The following DPY19L3 variants were observed in gnomAD, a reference collection of about 807,000 sequenced individuals.
DPY19L3 encodes the protein protein C-mannosyl-transferase DPY19L3.
DPY19L3 carries 51 observed loss-of-function variants against 92.3 expected under a neutral mutation model. That is an observed-to-expected ratio of 0.55 (90% confidence interval 0.44 to 0.70). DPY19L3 has a LOEUF of 0.70. Ranked by LOEUF, DPY19L3 falls within the 30% of genes least tolerant of loss-of-function variation. The pLI, the probability that DPY19L3 is intolerant of heterozygous loss-of-function variation, is 0.00. For missense variants in DPY19L3, 706 were observed against 855.9 expected (o/e 0.82, Z 2.18); for synonymous variants, 309 against 315.2 (o/e 0.98, Z 0.21).
chr19:32,462,873 C>T (rs1198022885), intron 12 of DPY19L3, among the ~76,000 whole-genome samples: 3 of 151,868 alleles, frequency 2.0e-5, no homozygotes, highest in Admixed American at 1.3e-4. Flanking sequence ...TTAATGTAGC[C>T]GTATTTGGTA....
chr19:32,464,016 C>G, intron 14 of DPY19L3, 36 bp downstream of exon 14: 2 of 1,443,176 alleles, frequency 1.4e-6, no homozygotes, highest in Non-Finnish European at 1.9e-6. Flanking sequence ...CCTTTTATGA[C>G]TTGCAGTATT....
At chr19:32,453,120 C>T in intron 8 of DPY19L3, 25 bp from the exon 9 acceptor site, 2 of 1,613,208 alleles carry the variant, frequency 1.2e-6, no homozygotes, top group South Asian at 2.2e-5. Context: ...AATGTCTGTA[C>T]TCATCTAATC....
intron 12 of DPY19L3, 66 bp downstream of exon 12, chr19:32,458,575 G>A: frequency 1.3e-6 from 2 of 1,519,892 alleles, no homozygotes; most frequent in Non-Finnish European, 8.8e-7. Context: ...CAGAAAAATT[G>A]CAAAGTTGAA....
intron 3 of DPY19L3, among the ~76,000 whole-genome samples, chr19:32,417,505 G>C (rs762330991): frequency 2.6e-5 from 4 of 152,066 alleles, no homozygotes; most frequent in Non-Finnish European, 5.9e-5. Flanking sequence ...ATTTTTAGTA[G>C]AGATGGGATT....
At position 32,474,095 on chromosome 19, in the gene DPY19L3, A is replaced by C. The variant is rs142580183; in HGVS notation, c.1698-3427A>C. Among the ~76,000 whole-genome samples the C allele has an allele frequency of 9.8e-4, 149 of 152,292 alleles. 4 individuals carry two copies. In the East Asian group the frequency reaches 0.028, roughly 29 times the overall value. ...TGAGATTACAGGCGTGAGCCACTGC[A>C]CCCAGCCAGAAGTATTATTTTTAAT... On this transcript the variant is annotated intron_variant, in intron 16 of 18. Coordinates refer to ENST00000392250, the MANE Select transcript of DPY19L3 (RefSeq NM_001172774.2).
In DPY19L3 at chr19:32,482,440, CTT is replaced by C. The variant is rs1410720537; in HGVS notation, c.*202_*203del. On this transcript the variant is annotated 3_prime_UTR_variant, in exon 19 of 19. Transcript: ENST00000392250. ...GAAGTCTTTTTCGTTGTGTGTCTAT[CTT>C]TCTCATTAATGTTCTTTAGCCTAAA... The C allele has an allele frequency of 3.4e-6, 2 of 583,118 alleles. No homozygotes were observed. The highest frequency in any genetic ancestry group is 3.8e-5 in the African/African-American group (2 of 53,250). 36.1% of individuals were successfully genotyped at this position (583,118 alleles called of 1,614,324 possible).
intron 12 of DPY19L3, among the ~76,000 whole-genome samples, chr19:32,459,891 G>A (rs1278640054): frequency 6.6e-6 from 1 of 152,206 alleles, no homozygotes; most frequent in Non-Finnish European, 1.5e-5. Flanking sequence ...GATATGTTCT[G>A]AGAAATGCAT....
At chr19:32,454,864 A>G in intron 9 of DPY19L3, 75 bp from the exon 10 acceptor site, 2 of 970,436 alleles carry the variant, frequency 2.1e-6, no homozygotes, top group South Asian at 3.1e-5. Flanking sequence ...TTAAATCCTT[A>G]AGTAAGCTCA....
Position 32,461,904 on chromosome 19 carries a change from G to A in DPY19L3, c.1323-1462G>A, listed in dbSNP as rs140798055. Among the ~76,000 whole-genome samples the A allele has an allele frequency of 1.6e-3, 245 of 152,216 alleles. 1 individual carries two copies. The highest frequency in any genetic ancestry group is 4.6e-3 in the African/African-American group (190 of 41,538). On this transcript the variant is annotated intron_variant, in intron 12 of 18. Coordinates refer to ENST00000392250, the MANE Select transcript of DPY19L3 (RefSeq NM_001172774.2). The stretch of plus-strand genomic sequence containing the variant: ...GACAGCCAGGCAGTGTGTGCTTCCC[G>A]GTGTAATGTGATGTGGAATAGAGCC...
intron 8 of DPY19L3, among the ~76,000 whole-genome samples, chr19:32,448,719 G>A (rs1348948865): frequency 4.6e-5 from 7 of 152,060 alleles, no homozygotes; most frequent in Admixed American, 4.6e-4. Flanking sequence ...TACTGTCTCG[G>A]GAGTAGCAGA....
At chr19:32,422,895 C>T (rs1412309630) in intron 3 of DPY19L3, among the ~76,000 whole-genome samples, 1 of 152,174 alleles carries the variant, frequency 6.6e-6, no homozygotes, top group African/African-American at 2.4e-5. Context: ...AGTTTCTCCA[C>T]AGTAATGTCT....
At chr19:32,474,122 C>A (rs1010242712) in intron 16 of DPY19L3, among the ~76,000 whole-genome samples, 1 of 152,302 alleles carries the variant, frequency 6.6e-6, no homozygotes, top group Non-Finnish European at 1.5e-5. Flanking sequence ...ATTTTTAATT[C>A]ATCTTATAGG....
intron 3 of DPY19L3, among the ~76,000 whole-genome samples, chr19:32,416,058 G>A (rs1968367215): frequency 6.6e-6 from 1 of 152,196 alleles, no homozygotes; most frequent in Non-Finnish European, 1.5e-5. Flanking sequence ...GGCAAATCCA[G>A]GATCAGAGAG....
chr19:32,433,735 T>C (rs1182836334), intron 4 of DPY19L3, among the ~76,000 whole-genome samples: 3 of 152,170 alleles, frequency 2.0e-5, no homozygotes, highest in Non-Finnish European at 2.9e-5. Context: ...TAAGTGATGT[T>C]TTTTACTTGT....
chr19:32,432,578 G>A (rs1377598098), intron 3 of DPY19L3, 138 bp from the exon 4 acceptor site: 2 of 643,424 alleles, frequency 3.1e-6, no homozygotes, highest in Non-Finnish European at 5.1e-6. Context: ...TTCCATTCTT[G>A]TTTGCCAAGA....
chr19:32,413,005 C>G (rs557200542), intron 3 of DPY19L3: 2 of 152,056 alleles, frequency 1.3e-5, no homozygotes, highest in African/African-American at 4.8e-5. Flanking sequence ...TTCTCTCTCT[C>G]TTTTTCAACA....
chr19:32,448,043 A>G (rs1271766372), intron 8 of DPY19L3, among the ~76,000 whole-genome samples: 1 of 152,184 alleles, frequency 6.6e-6, no homozygotes, highest in East Asian at 1.9e-4. Flanking sequence ...AAAAGCCCAG[A>G]CTTCATCAGT....
chr19:32,440,657 A>G (rs1196512554), intron 8 of DPY19L3, among the ~76,000 whole-genome samples: 1 of 152,186 alleles, frequency 6.6e-6, no homozygotes, highest in Admixed American at 6.5e-5. Context: ...AGAAATACAC[A>G]TTGCCTGTCT....
intron 8 of DPY19L3, among the ~76,000 whole-genome samples, chr19:32,448,568 G>T (rs1478871278): frequency 2.0e-5 from 3 of 152,164 alleles, no homozygotes; most frequent in African/African-American, 7.2e-5. Flanking sequence ...AAGTAAGCTA[G>T]AGAAAGGGAA....
Sources: gnomAD v4.1 joint callset for allele counts (sites outside exome capture counted in the v4.1 genomes callset) on GRCh38, gnomAD v4.1.1 for gene constraint, MANE v1.5 for transcripts, NCBI Gene and HGNC (gene_info 2026-07-23, HGNC 2026-07-21) for gene names.